Variants in ESRRB observed in about 807,000 individuals in gnomAD.
The protein encoded by ESRRB is steroid hormone receptor ERR2.
In ESRRB, 16 loss-of-function variants were observed where a neutral mutation model predicts 46.0. The ratio of observed to expected loss-of-function variants is 0.35; its 90% confidence interval spans 0.24 to 0.53. The LOEUF (loss-of-function observed/expected upper bound fraction) is 0.53. ESRRB is among the 20% of genes least tolerant of loss of function. ESRRB has a pLI of 0.93. For missense variants in ESRRB, 488 were observed against 607.4 expected (o/e 0.80, Z 2.07); for synonymous variants, 246 against 259.6 (o/e 0.95, Z 0.50).
intron 2 of ESRRB, among the ~76,000 whole-genome samples, chr14:76,445,896 G>T (rs916376273): frequency 6.6e-6 from 1 of 152,134 alleles, no homozygotes; most frequent in Non-Finnish European, 1.5e-5. Context: ...ATGTTGGCCA[G>T]GCTGGTCTCC....
At chr14:76,358,331 GAAAGAAAGAAAGAAAGAAAGA>G (rs1884415341) in intron 1 of ESRRB, among the ~76,000 whole-genome samples, 1 of 12,426 alleles carries the variant, frequency 8.0e-5, no homozygotes, top group Admixed American at 1.0e-3. Flanking sequence ...AAAAAAGAAA[GAAAGAAAGAAAGAAAGAAAGA>G]AAGAAAGAAA....
intron 3 of ESRRB, among the ~76,000 whole-genome samples, chr14:76,463,881 T>C (rs1888996202): frequency 6.6e-6 from 1 of 152,180 alleles, no homozygotes; most frequent in Non-Finnish European, 1.5e-5. Context: ...TAAAATATTA[T>C]TGATAGAGGC....
At chr14:76,377,909 A>G (rs749820348) in intron 1 of ESRRB, among the ~76,000 whole-genome samples, 4 of 152,148 alleles carry the variant, frequency 2.6e-5, no homozygotes, top group Non-Finnish European at 4.4e-5. Context: ...ATGCCACCAG[A>G]ATGTCGGCAG....
intron 1 of ESRRB, among the ~76,000 whole-genome samples, chr14:76,410,965 G>A (rs933098945): frequency 5.9e-5 from 9 of 151,474 alleles, no homozygotes; most frequent in East Asian, 2.0e-4. Context: ...TGTATTTTTC[G>A]CAGAGACGGG....
At position 76,500,061 on chromosome 14, in the gene ESRRB, G is replaced by A. The variant is rs1251740895; in HGVS notation, c.*1603G>A. On this transcript the variant is annotated 3_prime_UTR_variant, in exon 7 of 7. Coordinates refer to ENST00000644823, the MANE Select transcript of ESRRB (RefSeq NM_001379180.1). ...CTCACCCAGCACTAGGACACCAGGA[G>A]GCCAGGTAACTTTCTGCAGCTTTTC... 2 of 1,550,580 alleles carry A rather than the reference G, an allele frequency of 1.3e-6. No homozygotes were observed. Among genetic ancestry groups the A allele is most frequent in the Non-Finnish European group, 1.7e-6 (2 of 1,145,770 alleles).
At chr14:76,442,413 G>T (rs1303337930) in intron 2 of ESRRB, among the ~76,000 whole-genome samples, 1 of 151,954 alleles carries the variant, frequency 6.6e-6, no homozygotes, top group African/African-American at 2.4e-5. Flanking sequence ...GAGGCAGAGG[G>T]TGCAGTGAGC....
At chr14:76,406,944 G>A (rs1886213902) in intron 1 of ESRRB, among the ~76,000 whole-genome samples, 1 of 152,246 alleles carries the variant, frequency 6.6e-6, no homozygotes, top group South Asian at 2.1e-4. Flanking sequence ...GGCAGGGAAT[G>A]TGTTGTATTC....
chr14:76,485,653 GAGAGAGAA>G (rs1336153002), intron 5 of ESRRB, among the ~76,000 whole-genome samples: 107 of 148,150 alleles, frequency 7.2e-4, no homozygotes, highest in African/African-American at 2.6e-3. Flanking sequence ...GAGAGAGAGA[GAGAGAGAA>G]AGAAAGAGAG....
chr14:76,367,949 CTTTTTTTTTTTT>C (rs778235037), upstream of ESRRB, among the ~76,000 whole-genome samples: 3 of 95,276 alleles, frequency 3.1e-5, no homozygotes, highest in Non-Finnish European at 5.9e-5. Flanking sequence ...TTCCAGTTTG[CTTTTTTTTTTTT>C]TTTTTTTTTG....
chr14:76,444,707 C>T (rs1888058981), intron 2 of ESRRB, among the ~76,000 whole-genome samples: 1 of 152,162 alleles, frequency 6.6e-6, no homozygotes, highest in East Asian at 1.9e-4. Flanking sequence ...CAATCTACTG[C>T]TTAGTGCCCA....
intron 3 of ESRRB, among the ~76,000 whole-genome samples, chr14:76,469,706 A>G (rs932607352): frequency 5.9e-5 from 9 of 152,032 alleles, no homozygotes; most frequent in African/African-American, 1.7e-4. Flanking sequence ...AAAATCCACA[A>G]CTATATTTTG....
chr14:76,372,108 C>T (rs1490714162), upstream of ESRRB, among the ~76,000 whole-genome samples: 2 of 152,074 alleles, frequency 1.3e-5, no homozygotes, highest in African/African-American at 4.8e-5. Flanking sequence ...GCTCTAGTGA[C>T]CCTTGAGATC....
chr14:76,498,301 G>A lies in ESRRB; in HGVS notation c.1208G>A (p.Arg403His), dbSNP rs557399970. Residue 403 changes from arginine to histidine, a missense_variant, in exon 7 of 7, where the codon CGC (arginine) becomes CAC (histidine). Coordinates refer to ENST00000644823, the MANE Select transcript of ESRRB (RefSeq NM_001379180.1). ...EALQDYELSQ[R>H]HEEPWRTGKL... is the part of the protein sequence containing the mutation. The stretch of plus-strand genomic sequence containing the variant: ...CTGCAGGACTACGAGCTGAGCCAGC[G>A]CCATGAGGAGCCCTGGAGGACGGGC... 137 of 1,613,550 alleles carry A rather than the reference G, an allele frequency of 8.5e-5. 1 individual carries two copies. The South Asian group carries it at 1.1e-3, about 13-fold the overall frequency.
chr14:76,337,728 A>C (rs553151860), intron 1 of ESRRB, among the ~76,000 whole-genome samples: 1 of 152,190 alleles, frequency 6.6e-6, no homozygotes, highest in African/African-American at 2.4e-5. Context: ...CTTTTCTAGG[A>C]ACTCATGAGA....
intron 1 of ESRRB, among the ~76,000 whole-genome samples, chr14:76,379,624 G>A (rs1023448262): frequency 1.3e-5 from 2 of 152,168 alleles, no homozygotes; most frequent in Non-Finnish European, 2.9e-5. Context: ...CGCTGCCATG[G>A]AAGAGGATGG....
At chr14:76,314,090 T>C (rs1193486218) in intron 1 of ESRRB, among the ~76,000 whole-genome samples, 1 of 152,106 alleles carries the variant, frequency 6.6e-6, no homozygotes, top group Non-Finnish European at 1.5e-5. Flanking sequence ...GCAGGGTTTC[T>C]GCAGGAGGAA....
intron 1 of ESRRB, among the ~76,000 whole-genome samples, chr14:76,353,027 C>T (rs12436604): frequency 6.6e-6 from 1 of 152,218 alleles, no homozygotes; most frequent in South Asian, 2.1e-4. Context: ...AGGCACGTCC[C>T]GTGGCCACGG....
chr14:76,488,380 C>A (rs575180493), intron 5 of ESRRB, among the ~76,000 whole-genome samples: 4 of 152,120 alleles, frequency 2.6e-5, no homozygotes, highest in African/African-American at 9.7e-5. Flanking sequence ...ACAGGCCTCC[C>A]GGGTACATCC....
intron 5 of ESRRB, among the ~76,000 whole-genome samples, chr14:76,484,384 T>C (rs540809241): frequency 6.6e-6 from 1 of 152,242 alleles, no homozygotes; most frequent in East Asian, 1.9e-4. Context: ...ACACACTCAG[T>C]AGTTTTTGAA....
Sources: gnomAD v4.1 joint callset for allele counts (sites outside exome capture counted in the v4.1 genomes callset) on GRCh38, gnomAD v4.1.1 for gene constraint, MANE v1.5 for transcripts, NCBI Gene and HGNC (gene_info 2026-07-23, HGNC 2026-07-21) for gene names.